The following S100A10 variants were observed in gnomAD, a reference collection of about 807,000 sequenced individuals.
S100A10 encodes the protein protein S100-A10.
Under a neutral mutation model 7.1 loss-of-function variants are expected in S100A10, and 3 were observed. The ratio of observed to expected loss-of-function variants is 0.42; its 90% confidence interval spans 0.19 to 1.10. The LOEUF (loss-of-function observed/expected upper bound fraction) is 1.10, where lower values mean the gene tolerates loss of function less well. S100A10 is among the 50% of genes least tolerant of loss of function. S100A10 has a pLI of 0.29. For synonymous variants in S100A10, 41 were observed against 39.3 expected (o/e 1.04, Z -0.16); for missense variants, 101 against 118.1 (o/e 0.86, Z 0.67).
chr1:151,986,935 A>G (rs1572108608), intron 1 of S100A10, among the ~76,000 whole-genome samples: 1 of 152,158 alleles, frequency 6.6e-6, no homozygotes, highest in African/African-American at 2.4e-5. Flanking sequence ...GGTGCTGTAA[A>G]TAAAGGGGTT....
chr1:151,984,512 G>C (rs1439904503), intron 2 of S100A10, among the ~76,000 whole-genome samples: 1 of 152,154 alleles, frequency 6.6e-6, no homozygotes, highest in Non-Finnish European at 1.5e-5. Context: ...AGTGAGTCTA[G>C]ATGTTTCCAG....
chr1:151,986,358 G>T, intron 1 of S100A10, 107 bp from the exon 2 acceptor site: 1 of 801,266 alleles, frequency 1.2e-6, no homozygotes, highest in Non-Finnish European at 2.0e-6. Context: ...TGTATTTAAT[G>T]TGTACAACAT....
chr1:151,985,951 C>A (rs1188335943), intron 2 of S100A10, 148 bp downstream of exon 2: 3 of 564,438 alleles, frequency 5.3e-6, no homozygotes, highest in Non-Finnish European at 9.1e-6. Flanking sequence ...TGAATGAGGT[C>A]ATTCATTCAT....
At chr1:151,990,537 A>G (rs1289930506) in intron 1 of S100A10, among the ~76,000 whole-genome samples, 2 of 152,224 alleles carry the variant, frequency 1.3e-5, no homozygotes, top group Non-Finnish European at 2.9e-5. Flanking sequence ...CTTTCTCTGC[A>G]TAGTTTTCTC....
In S100A10 at chr1:151,983,279, C is replaced by A. The variant is rs374447567; in HGVS notation, c.178G>T (p.Asp60Tyr). Reference protein sequence around the residue: ...LAVDKIMKDLDQCRDGKVGFQ... With the variant: ...LAVDKIMKDLYQCRDGKVGFQ... ...CCCACTTTGCCATCTCTACACTGGT[C>A]CAGGTCCTTCATTATTTTGTCCACA... Residue 60 changes from aspartate to tyrosine, a missense_variant, in exon 3 of 3, where the codon GAC (aspartate) becomes TAC (tyrosine). By Grantham distance (160) the Asp-to-Tyr change is radical. Transcript: ENST00000368811. The A allele has an allele frequency of 7.6e-6, 12 of 1,583,376 alleles. No homozygotes were observed. Among genetic ancestry groups the A allele is most frequent in the South Asian group, 1.2e-5 (1 of 85,322 alleles).
chr1:151,983,294 T>C lies in S100A10; in HGVS notation c.163A>G (p.Ile55Val), dbSNP rs1205590708. 1 of 1,567,688 alleles carries C rather than the reference T, an allele frequency of 6.4e-7. No individual in the cohort carries two copies. Reference sequence around the variant, plus strand: ...CTACACTGGTCCAGGTCCTTCATTATTTTGTCCACAGCCAGAGGGTCTTTT... The same window carrying C: ...CTACACTGGTCCAGGTCCTTCATTACTTTGTCCACAGCCAGAGGGTCTTTT... ...NQKDPLAVDK[I>V]MKDLDQCRDG... Residue 55 changes from isoleucine to valine, a missense_variant, in exon 3 of 3, where the codon ATA (isoleucine) becomes GTA (valine). Ile to Val is a conservative substitution (Grantham distance 29). Coordinates refer to ENST00000368811, the MANE Select transcript of S100A10 (RefSeq NM_002966.3).
At chr1:151,988,534 T>C (rs1248261751) in intron 1 of S100A10, among the ~76,000 whole-genome samples, 2 of 152,122 alleles carry the variant, frequency 1.3e-5, no homozygotes, top group Admixed American at 6.5e-5. Context: ...CACTTAAGAA[T>C]TGTAAATTCT....
At chr1:151,984,112 T>C (rs1303299300) in intron 2 of S100A10, 1 of 152,216 alleles carries the variant, frequency 6.6e-6, no homozygotes, top group Non-Finnish European at 1.5e-5. Context: ...TTTGTAGTGA[T>C]GCTGGTCAGA....
At chr1:151,992,563 T>G (rs1054825987) in intron 1 of S100A10, 1 of 152,166 alleles carries the variant, frequency 6.6e-6, no homozygotes, top group Non-Finnish European at 1.5e-5. Flanking sequence ...ACAGTTCTCC[T>G]TTTCCTTCAG....
Position 151,983,191 on chromosome 1 carries a change from A to G in S100A10, c.266T>C (p.Val89Ala), listed in dbSNP as rs753595185. Residue 89 changes from valine (V) to alanine (A), a missense_variant, in exon 3 of 3, where the codon GTA becomes GCA. By Grantham distance (64) the Val-to-Ala change is moderately conservative. Transcript: ENST00000368811. ...CTTCTTTCCCTTCTGCTTCATGTGT[A>G]CTACAAAATAGTCATTGCATGCAAT... The part of the protein sequence containing the change: ...LTIACNDYFV[V>A]HMKQKGKK The G allele has an allele frequency of 2.5e-5, 40 of 1,589,160 alleles. No individual in the cohort carries two copies. The highest frequency in any genetic ancestry group is 6.7e-5 in the East Asian group (3 of 44,480).
rs1344095610 is a variant in S100A10 at position 151,993,545 on chromosome 1, C to T, written c.-22+207G>A. 6.6e-6 allele frequency among the ~76,000 whole-genome samples: 1 copy of T among 152,188 alleles called. No homozygotes were observed. The highest frequency in any genetic ancestry group is 2.1e-4 in the South Asian group (1 of 4,838). ...CCTCTGGTCCGCGTGGGTCTGGGGG[C>T]GGCCGCGCCCGGGCCGGGGAGGGGC... On this transcript the variant is annotated intron_variant, in intron 1 of 2. Transcript: ENST00000368811. This position sits in a 1 kb window ranked among gnomAD's most constrained non-coding sequence, Gnocchi z 5.1.
At chr1:151,983,384 T>C (rs1270755339) in intron 2 of S100A10, 60 bp from the exon 3 acceptor site, 3 of 1,197,070 alleles carry the variant, frequency 2.5e-6, no homozygotes, top group Admixed American at 2.6e-5. Context: ...GAGGAGCTTA[T>C]TTGATTTGTA....
intron 2 of S100A10, among the ~76,000 whole-genome samples, chr1:151,984,942 A>G (rs1303791840): frequency 6.6e-6 from 1 of 152,226 alleles, no homozygotes; most frequent in African/African-American, 2.4e-5. Context: ...CTACAAAAGC[A>G]GAGGACCTGC....
intron 1 of S100A10, among the ~76,000 whole-genome samples, chr1:151,988,691 A>AG (rs1293819631): frequency 2.0e-5 from 3 of 152,194 alleles, no homozygotes; most frequent in Non-Finnish European, 4.4e-5. Context: ...GATGAATTCC[A>AG]GGGGAACCAC....
intron 1 of S100A10, among the ~76,000 whole-genome samples, chr1:151,988,847 C>T (rs372533270): frequency 2.0e-5 from 3 of 152,102 alleles, no homozygotes; most frequent in Non-Finnish European, 4.4e-5. Context: ...CTGAACTGGG[C>T]GAGTCACCTC....
intron 1 of S100A10, among the ~76,000 whole-genome samples, chr1:151,990,305 C>T (rs1655879131): frequency 6.6e-6 from 1 of 152,264 alleles, no homozygotes; most frequent in East Asian, 1.9e-4. Context: ...AATGACATGA[C>T]TGTGCTCCTT....
Position 151,989,010 on chromosome 1 carries a change from G to GTAACTAGTTTACCTA in S100A10, c.-21-2760_-21-2759insTAGGTAAACTAGTTA, listed in dbSNP as rs1374685589. Among the ~76,000 whole-genome samples, 35 of 152,278 alleles carry GTAACTAGTTTACCTA rather than the reference G, an allele frequency of 2.3e-4. 1 individual carries two copies. Among genetic ancestry groups the GTAACTAGTTTACCTA allele is most frequent in the African/African-American group, 8.2e-4 (34 of 41,546 alleles). ...AGATCCCAGAAATTGGAACTGGGTG[G>GTAACTAGTTTACCTA]GGTACCTAGTTTACTTTTTTCAGAT... On this transcript the variant is annotated intron_variant, in intron 1 of 2. Transcript: ENST00000368811.
intron 1 of S100A10, among the ~76,000 whole-genome samples, chr1:151,990,306 T>C (rs970141474): frequency 6.6e-6 from 1 of 152,276 alleles, no homozygotes; most frequent in Non-Finnish European, 1.5e-5. Flanking sequence ...ATGACATGAC[T>C]GTGCTCCTTC....
At position 151,993,097 on chromosome 1, in the gene S100A10, A is replaced by G. The variant is rs552175056; in HGVS notation, c.-22+655T>C. ...CCTTTCAGTAGAGAAACCACGTCAC[A>G]CAGGGCCCTCTCCCACAAACCCCAG... On this transcript the variant is annotated intron_variant, in intron 1 of 2. Transcript: ENST00000368811. This position sits in a 1 kb window ranked among gnomAD's most constrained non-coding sequence, Gnocchi z 5.1. 5.3e-4 allele frequency among the ~76,000 whole-genome samples: 80 copies of G among 152,328 alleles called. 2 individuals are homozygous for G. The East Asian group carries it at 8.3e-3, about 16-fold the overall frequency.
Sources: allele counts gnomAD v4.1 joint callset (sites outside exome capture counted in the v4.1 genomes callset), GRCh38; gene constraint gnomAD v4.1.1; non-coding constraint Gnocchi (gnomAD v3.1); transcripts MANE v1.5; gene names NCBI Gene and HGNC (gene_info 2026-07-23, HGNC 2026-07-21).